The following TSBP1 variants were observed in gnomAD, a reference collection of about 807,000 sequenced individuals.
TSBP1 encodes the protein testis-expressed basic protein 1.
In TSBP1, 56 loss-of-function variants were observed where a neutral mutation model predicts 68.8. The observed-to-expected ratio is 0.81, with a 90% confidence interval of 0.66 to 1.02. The LOEUF is 1.02. Among genes scored for constraint, TSBP1 ranks in the 50% least tolerant of loss-of-function variants. TSBP1 has a pLI of 0.00. For missense variants in TSBP1, 502 were observed against 641.2 expected, an observed-to-expected ratio of 0.78 and a Z score of 2.34; for synonymous variants, 171 against 208.7, an observed-to-expected ratio of 0.82 and a Z score of 1.56.
intron 9 of TSBP1, among the ~76,000 whole-genome samples, chr6:32,341,194 AAAG>A (rs1317753251): frequency 6.6e-6 from 1 of 152,166 alleles, no homozygotes. Context: ...CTTACAGAGT[AAAG>A]AAGAAGATAA....
Position 32,328,286 on chromosome 6 carries a change from C to T in TSBP1, c.514+2303G>A, listed in dbSNP as rs535810429. Among the ~76,000 whole-genome samples, 14 of 151,904 alleles carry T rather than the reference C, an allele frequency of 9.2e-5. No homozygotes were observed. In the South Asian group the frequency reaches 1.2e-3, roughly 14 times the overall value. On this transcript the variant is annotated intron_variant, in intron 16 of 22. Coordinates refer to ENST00000612031, the Ensembl canonical transcript of TSBP1. ...TTTTTGAGACAGAGTCTCGCTCTGT[C>T]GCCCAGGCTGAAGGGCAGTGACACG...
At chr6:32,353,307 AT>A in intron 8 of TSBP1, among the ~76,000 whole-genome samples, 1 of 152,146 alleles carries the variant, frequency 6.6e-6, no homozygotes, top group East Asian at 1.9e-4. Flanking sequence ...AACAATAATT[AT>A]TTGTAAAATC....
At chr6:32,295,842 C>CTTT (rs535371646) in intron 22 of TSBP1, among the ~76,000 whole-genome samples, 7 of 125,314 alleles carry the variant, frequency 5.6e-5, no homozygotes, top group African/African-American at 6.1e-5. Flanking sequence ...AGGAAAATTT[C>CTTT]TTTTTTTTTT....
rs781779239 is a variant in TSBP1, at chr6:32,336,577, C to A, written c.430+38G>T. 21 of 1,584,144 alleles carry A rather than the reference C, an allele frequency of 1.3e-5. No homozygotes were observed. The highest frequency in any genetic ancestry group is 1.8e-5 in the Non-Finnish European group (21 of 1,153,964). ...CCCCAAGACCTTGTAGGTCAGATAT[C>A]AAAGGGACCAGAGTGGAAAAACAAA... On this transcript the variant is annotated intron_variant, in intron 12 of 22. Transcript: ENST00000612031. This position sits in a 1 kb window ranked among gnomAD's most constrained non-coding sequence, Gnocchi z 5.2.
At chr6:32,356,372 A>C (rs1772333524) in intron 6 of TSBP1, among the ~76,000 whole-genome samples, 1 of 152,100 alleles carries the variant, frequency 6.6e-6, no homozygotes, top group South Asian at 2.1e-4. Context: ...TTGTGATGGG[A>C]ATTAAGTACA....
exon 23 of TSBP1, chr6:32,293,113 G>A (rs1218502171): frequency 6.3e-7 from 1 of 1,599,012 alleles, no homozygotes; most frequent in Non-Finnish European, 8.6e-7. Context: ...CACCTTTTGT[G>A]TTTTTGTCAC....
rs570303012 is a variant in TSBP1 at position 32,305,780 on chromosome 6, G to A, written c.581-3151C>T. Among the ~76,000 whole-genome samples, 3 of 152,332 alleles carry A rather than the reference G, an allele frequency of 2.0e-5. No homozygotes were observed. In the South Asian group the frequency reaches 6.2e-4, roughly 32 times the overall value. On this transcript the variant is annotated intron_variant, in intron 19 of 22. Coordinates refer to ENST00000612031, the Ensembl canonical transcript of TSBP1. ...CAAAGTGCTGGGATTACAGGCATGA[G>A]CCACCACGCCTGGCCAGGTCATATG...
In TSBP1 at chr6:32,308,539, A is replaced by C. The variant is rs1475628391; in HGVS notation, c.581-5910T>G. On this transcript the variant is annotated intron_variant, in intron 19 of 22. Transcript: ENST00000612031. ...CGTGAACCCGGGAGGCGGAGCTTGC[A>C]GTGAGCCGAGATCCCGCCACTGCAC... Among the ~76,000 whole-genome samples the C allele has an allele frequency of 1.9e-3, 279 of 144,508 alleles. 3 individuals carry two copies. The highest frequency in any genetic ancestry group is 0.018 in the Admixed American group (253 of 14,118). 94.8% of individuals were successfully genotyped at this position (144,508 alleles called of 152,430 possible). A position where few individuals can be genotyped will look rare whatever the true frequency, so the allele number is the denominator to read the frequency against.
At chr6:32,358,846 G>A (rs1401621170) in intron 6 of TSBP1, among the ~76,000 whole-genome samples, 1 of 151,966 alleles carries the variant, frequency 6.6e-6, no homozygotes. Flanking sequence ...CCAAGTCTTG[G>A]CTGTTGTGAA....
At chr6:32,308,261 T>A (rs1239608232) in intron 19 of TSBP1, among the ~76,000 whole-genome samples, 1 of 152,114 alleles carries the variant, frequency 6.6e-6, no homozygotes, top group East Asian at 1.9e-4. Context: ...GAGTTTAATC[T>A]ACTATTGTAT....
At position 32,302,707 on chromosome 6, in the gene TSBP1, C is replaced by T; in HGVS notation, c.581-78G>A. 2 of 1,047,702 alleles carry T rather than the reference C, an allele frequency of 1.9e-6. No homozygotes were observed. The highest frequency in any genetic ancestry group is 2.8e-6 in the Non-Finnish European group (2 of 708,850). 64.9% of individuals were successfully genotyped at this position (1,047,702 alleles called of 1,614,324 possible). Reference sequence around the variant, plus strand: ...TACAGTTCTTTCCTACTCCCAATTCCCTAGTTGTTTTTTCTAGGGTACCAT... The same window carrying T: ...TACAGTTCTTTCCTACTCCCAATTCTCTAGTTGTTTTTTCTAGGGTACCAT... On this transcript the variant is annotated intron_variant, in intron 19 of 22. Coordinates refer to ENST00000612031, the Ensembl canonical transcript of TSBP1. This position sits in a 1 kb window ranked among gnomAD's most constrained non-coding sequence, Gnocchi z 5.1.
chr6:32,300,718 A>C lies in TSBP1; in HGVS notation c.602-18T>G. On this transcript the variant is annotated intron_variant, in intron 20 of 22. Transcript: ENST00000612031. ...ACTGTCCACTGAAAGAGATAAAGGC[A>C]AACACATCAGTAGGTACTGGGCATT... 6.2e-7 allele frequency: 1 copy of C among 1,611,156 alleles called. No individual in the cohort carries two copies. Among genetic ancestry groups the C allele is most frequent in the Non-Finnish European group, 8.5e-7 (1 of 1,178,302 alleles).
In TSBP1 at chr6:32,302,873, G is replaced by GCC. The variant is rs1345579937; in HGVS notation, c.581-246_581-245dup. 6.6e-6 allele frequency among the ~76,000 whole-genome samples: 1 copy of GCC among 152,106 alleles called. No homozygotes were observed. The highest frequency in any genetic ancestry group is 1.5e-5 in the Non-Finnish European group (1 of 68,014). ...AATTGAGCTCTCTGCTTTCACCCTTGCCTCCCAGTCAGTTCCCAGTACAGC... is the reference window on the plus strand; with the variant it reads ...AATTGAGCTCTCTGCTTTCACCCTTGCCCCTCCCAGTCAGTTCCCAGTACAGC... On this transcript the variant is annotated intron_variant, in intron 19 of 22. Coordinates refer to ENST00000612031, the Ensembl canonical transcript of TSBP1. The surrounding 1 kb of genome is among the most constrained non-coding windows in gnomAD (Gnocchi z 5.1).
intron 16 of TSBP1, chr6:32,324,724 C>A (rs1370832217): frequency 6.5e-7 from 1 of 1,548,990 alleles, no homozygotes; most frequent in African/African-American, 1.4e-5. Flanking sequence ...TTTCTTGTTT[C>A]TTTTCCTACT....
rs1765640241 is a variant in TSBP1, at chr6:32,304,915, G to A, written c.581-2286C>T. Among the ~76,000 whole-genome samples, 1 of 151,684 alleles carries A rather than the reference G, an allele frequency of 6.6e-6. No individual in the cohort carries two copies. The highest frequency in any genetic ancestry group is 1.5e-5 in the Non-Finnish European group (1 of 67,938). ...TTCAGTCTCTAATCTCAAAATATCT[G>A]TTCTCTTCTTCACCATTCATTGTAT... On this transcript the variant is annotated intron_variant, in intron 19 of 22. Transcript: ENST00000612031. The surrounding 1 kb of genome is among the most constrained non-coding windows in gnomAD (Gnocchi z 4.8).
chr6:32,300,712 A>T lies in TSBP1; in HGVS notation c.602-12T>A, dbSNP rs762620948. On this transcript the variant is annotated splice_polypyrimidine_tract_variant and intron_variant, in intron 20 of 22. Coordinates refer to ENST00000612031, the Ensembl canonical transcript of TSBP1. Reference sequence around the variant, plus strand: ...TCCAGAACTGTCCACTGAAAGAGATAAAGGCAAACACATCAGTAGGTACTG... The same window carrying T: ...TCCAGAACTGTCCACTGAAAGAGATTAAGGCAAACACATCAGTAGGTACTG... 1.9e-6 allele frequency: 3 copies of T among 1,611,636 alleles called. No homozygotes were observed. Among genetic ancestry groups the T allele is most frequent in the East Asian group, 2.2e-5 (1 of 44,862 alleles).
chr6:32,322,250 C>A (rs1767715657), intron 18 of TSBP1, among the ~76,000 whole-genome samples: 1 of 152,116 alleles, frequency 6.6e-6, no homozygotes, highest in South Asian at 2.1e-4. Context: ...AGTGCTTGAC[C>A]TGGTTTAAAT....
rs907275363 is a variant in TSBP1, at chr6:32,324,797, T to G, written c.515-1183A>C. On this transcript the variant is annotated intron_variant, in intron 16 of 22. Transcript: ENST00000612031. ...CTTGCTTGAACATTTTTTTTTTTAA[T>G]CAAAGGCACTAGAAATTTCCAGAAA... 4.8e-6 allele frequency: 6 copies of G among 1,237,536 alleles called. No homozygotes were observed. In the African/African-American group the frequency reaches 9.0e-5, roughly 19 times the overall value. 76.7% of individuals were successfully genotyped at this position (1,237,536 alleles called of 1,614,324 possible).
At chr6:32,303,467 G>A (rs566660420) in intron 19 of TSBP1, among the ~76,000 whole-genome samples, 6 of 151,242 alleles carry the variant, frequency 4.0e-5, no homozygotes, top group Non-Finnish European at 7.4e-5. Context: ...TCCACTTTAC[G>A]TGATATTAAT....
Sources: gnomAD v4.1 joint callset for allele counts (sites outside exome capture counted in the v4.1 genomes callset) on GRCh38, gnomAD v4.1.1 for gene constraint, Gnocchi (gnomAD v3.1) non-coding constraint, MANE v1.5 for transcripts, NCBI Gene and HGNC (gene_info 2026-07-23, HGNC 2026-07-21) for gene names.